Variants in XRCC3 observed in about 807,000 individuals in gnomAD.
XRCC3 encodes the protein DNA repair protein XRCC3.
In XRCC3, 34 loss-of-function variants were observed where a neutral mutation model predicts 29.2. The observed-to-expected ratio is 1.16, with a 90% CI of 0.88 to 1.55. The LOEUF (loss-of-function observed/expected upper bound fraction) is 1.55. Among genes scored for constraint, XRCC3 ranks in the 40% most tolerant of loss-of-function variants. The pLI is 0.00. For synonymous variants in XRCC3, 223 were observed against 211.3 expected (o/e 1.06, Z -0.48); for missense variants, 463 against 467.6 (o/e 0.99, Z 0.09).
At position 103,707,091 on chromosome 14, in the gene XRCC3, G is replaced by A. The variant is rs368062647; in HGVS notation, c.318C>T (p.Ala106=). The A allele has an allele frequency of 2.2e-5, 34 of 1,555,844 alleles. No homozygotes were observed. The Middle Eastern group carries it at 5.2e-4, about 24-fold the overall frequency. Residue 106 remains alanine (A), a synonymous_variant, in exon 6 of 10, where the codon GCC becomes GCT. Coordinates refer to ENST00000555055, the MANE Select transcript of XRCC3 (RefSeq NM_005432.4). ...GLPLDGITEL[A]GRSSAGKTQL... is the part of the protein sequence containing the mutation. ...GGGTCTTCCCTGCCGAGCTGCGTCC[G>A]GCCAGCTCAGTGATGCCGTCCAGGG...
chr14:103,707,500 G>A (rs1419311511), intron 5 of XRCC3: 3 of 531,090 alleles, frequency 5.6e-6, no homozygotes, highest in Admixed American at 6.3e-5. Context: ...TTCAGCCAAA[G>A]CTTCCAGAGA....
In XRCC3 at chr14:103,698,525, C is replaced by T. The variant is rs189909594; in HGVS notation, c.*273G>A. On this transcript the variant is annotated 3_prime_UTR_variant, in exon 10 of 10. Transcript: ENST00000555055. ...CCCCAGGCTCCAGCCCTGAGAATCA[C>T]CTCTCCCCAAGGGCCAGCTCAGCAG... 1.2e-5 allele frequency: 6 copies of T among 513,350 alleles called. No homozygotes were observed. The highest frequency in any genetic ancestry group is 1.2e-4 in the African/African-American group (6 of 52,102). 31.8% of individuals were successfully genotyped at this position (513,350 alleles called of 1,614,324 possible).
chr14:103,714,584 C>G (rs116700863), intron 1 of XRCC3, among the ~76,000 whole-genome samples: 2,648 of 152,212 alleles, frequency 0.017, 69 homozygotes, highest in African/African-American at 0.056. Context: ...CTGCACTCCA[C>G]CCCGGATGAC....
intron 8 of XRCC3, 44 bp downstream of exon 8, chr14:103,699,320 C>CT: frequency 6.4e-7 from 1 of 1,559,596 alleles, no homozygotes; most frequent in Non-Finnish European, 8.7e-7. Flanking sequence ...CGCATCCTGG[C>CT]TAAAAATACG....
Position 103,707,002 on chromosome 14 carries a change from C to A in XRCC3, c.406+1G>T, listed in dbSNP as rs1338504525. On this transcript the variant is annotated splice_donor_variant, in intron 6 of 9. Transcript: ENST00000555055. LOFTEE classifies it high-confidence loss of function. Reference sequence around the variant, plus strand: ...ACCCCACGGAAGGGGTGGCCACTCACCAGCCTCCAGGCCTCCGTGCTGCCG... The same window carrying A: ...ACCCCACGGAAGGGGTGGCCACTCAACAGCCTCCAGGCCTCCGTGCTGCCG... 6.4e-7 allele frequency: 1 copy of A among 1,552,184 alleles called. No individual in the cohort carries two copies. The highest frequency in any genetic ancestry group is 1.9e-5 in the Admixed American group (1 of 52,974).
chr14:103,706,734 A>G, intron 6 of XRCC3: 2 of 525,250 alleles, frequency 3.8e-6, no homozygotes, highest in South Asian at 4.0e-5. Flanking sequence ...GTGCTCAGCC[A>G]GCGACCCCTG....
chr14:103,702,205 C>G (rs1456238073), intron 7 of XRCC3: 2 of 152,644 alleles, frequency 1.3e-5, no homozygotes, highest in Admixed American at 1.3e-4. Context: ...GTGGCCCCTG[C>G]TCTCTGCAAG....
rs559884792 is a variant in XRCC3, at chr14:103,697,838, CCA to C, written c.*958_*959del. ...CTTTCCAGCCAGATGTAAGGCCTGG[CCA>C]CAGTGTGGGACTGGGTCTGCACAGT... On this transcript the variant is annotated 3_prime_UTR_variant, in exon 10 of 10. Coordinates refer to ENST00000555055, the MANE Select transcript of XRCC3 (RefSeq NM_005432.4). The C allele has an allele frequency of 1.3e-5, 2 of 152,312 alleles. No homozygotes were observed. Among genetic ancestry groups the C allele is most frequent in the African/African-American group, 4.8e-5 (2 of 41,444 alleles). 9.4% of individuals were successfully genotyped at this position (152,312 alleles called of 1,614,324 possible).
chr14:103,700,580 C>CA, intron 7 of XRCC3: 1 of 1,219,874 alleles, frequency 8.2e-7, no homozygotes, highest in Admixed American at 1.9e-5. Context: ...ACGCTGGTGT[C>CA]ACGCCCGGAG....
intron 8 of XRCC3, 79 bp downstream of exon 8, chr14:103,699,285 C>T: frequency 6.5e-7 from 1 of 1,543,036 alleles, no homozygotes; most frequent in African/African-American, 1.4e-5. Flanking sequence ...TGCCACCCGC[C>T]CCACCTCCAG....
At chr14:103,710,737 G>A (rs185845640) in intron 4 of XRCC3, 53 of 359,484 alleles carry the variant, frequency 1.5e-4, no homozygotes, top group Admixed American at 3.5e-4. Context: ...GCGAGACCCC[G>A]TCTCCAAAAA....
In XRCC3 at chr14:103,698,439, C is replaced by G; in HGVS notation, c.*359G>C. ...CAGGGGGCAGGCCTCAGACGCAACC[C>G]CAGTTGGGCTTCCATGTGGAGAGAA... On this transcript the variant is annotated 3_prime_UTR_variant, in exon 10 of 10. Coordinates refer to ENST00000555055, the MANE Select transcript of XRCC3 (RefSeq NM_005432.4). The G allele has an allele frequency of 2.9e-6, 1 of 343,660 alleles. No homozygotes were observed. The allele number at this position is 343,660 out of a possible 1,614,324, so 21.3% of individuals were successfully genotyped here. A position where few individuals can be genotyped will look rare whatever the true frequency, so the allele number is the denominator to read the frequency against.
rs779101792 is a variant in XRCC3 at position 103,708,523 on chromosome 14, T to G, written c.192A>C (p.Thr64=). ...GCAGAGATGCCAGGGCCCACCTACCTGTAAGGATGCTGCTTCCCCGCAAGT... is the reference window on the plus strand; with the variant it reads ...GCAGAGATGCCAGGGCCCACCTACCGGTAAGGATGCTGCTTCCCCGCAAGT... ...SLHLRGSSIL[T]ALQLHQQKER... The change falls in exon 5 of 10, where the codon ACA becomes ACC. Residue 64 remains threonine, a splice_region_variant and synonymous_variant. Coordinates refer to ENST00000555055, the MANE Select transcript of XRCC3 (RefSeq NM_005432.4). 1 of 1,613,852 alleles carries G rather than the reference T, an allele frequency of 6.2e-7. No homozygotes were observed. The highest frequency in any genetic ancestry group is 1.3e-5 in the African/African-American group (1 of 74,960).
Position 103,698,935 on chromosome 14 carries a change from G to A in XRCC3, c.904C>T (p.Arg302Cys), listed in dbSNP as rs751449355. Residue 302 changes from arginine (R) to cysteine (C), a missense_variant, in exon 10 of 10, where the codon CGC (arginine) becomes TGC (cysteine). Coordinates refer to ENST00000555055, the MANE Select transcript of XRCC3 (RefSeq NM_005432.4). ...LLVRLLADRL[R>C]EEEAALGCPA... ...CAGCCGAGGGCAGCCTCTTCCTCGC[G>A]GAGCCGGTCAGCCAGCAGTCTCACC... is the stretch of plus-strand genomic sequence containing the variant. The A allele has an allele frequency of 1.4e-5, 23 of 1,600,566 alleles. No individual in the cohort carries two copies. The Admixed American group carries it at 2.4e-4, about 17-fold the overall frequency.
At chr14:103,713,337 T>C (rs532190988) in intron 1 of XRCC3, 1 of 152,460 alleles carries the variant, frequency 6.6e-6, no homozygotes, top group Admixed American at 6.5e-5. Context: ...TCCCAGACAC[T>C]GGCCTGGGAG....
At chr14:103,700,548 C>T (rs1417464356) in intron 7 of XRCC3, 1 of 907,290 alleles carries the variant, frequency 1.1e-6, no homozygotes, top group Non-Finnish European at 1.7e-6. Context: ...GGCTGTCCCT[C>T]AAGTCCAAGG....
intron 7 of XRCC3, 50 bp from the exon 8 acceptor site, chr14:103,699,626 A>C (rs1405731477): frequency 1.9e-6 from 3 of 1,591,886 alleles, no homozygotes. Flanking sequence ...TCCCCGCCCC[A>C]GGTGACCAGA....
chr14:103,713,857 G>C (rs545602608), intron 1 of XRCC3: 1 of 152,262 alleles, frequency 6.6e-6, no homozygotes, highest in East Asian at 1.9e-4. Flanking sequence ...ACTCCCTTAT[G>C]TGAGTTACTG....
At chr14:103,703,860 G>A (rs1054557897) in intron 6 of XRCC3, 7 of 204,324 alleles carry the variant, frequency 3.4e-5, no homozygotes, top group Non-Finnish European at 2.0e-5. Flanking sequence ...GTGAGGATGT[G>A]TAGGAGGCAG....
Sources: allele counts gnomAD v4.1 joint callset (sites outside exome capture counted in the v4.1 genomes callset), GRCh38; gene constraint gnomAD v4.1.1; transcripts MANE v1.5; gene names NCBI Gene and HGNC (gene_info 2026-07-23, HGNC 2026-07-21).